Variants in UGT1A5 observed in about 807,000 individuals in gnomAD.
UGT1A5 encodes UDP glucuronosyltransferase family 1 member A5.
Under a neutral mutation model 40.3 loss-of-function variants are expected in UGT1A5, and 29 were observed. The observed-to-expected ratio is 0.72, with a 90% CI of 0.54 to 0.98. The LOEUF is 0.98. Among genes scored for constraint, UGT1A5 ranks in the 50% least tolerant of loss-of-function variants. The pLI is 0.00. For synonymous variants in UGT1A5, 257 were observed against 262.5 expected (o/e 0.98, Z 0.20); for missense variants, 678 against 677.9 (o/e 1.00, Z 0.00).
chr2:233,718,670 T>C (rs1422403188), intron 1 of UGT1A5: 2 of 1,550,504 alleles, frequency 1.3e-6, no homozygotes, highest in Non-Finnish European at 1.7e-6. Flanking sequence ...TATAGATTAA[T>C]GGGTAATAAG....
intron 1 of UGT1A5, chr2:233,752,635 T>C (rs1695024610): frequency 6.6e-6 from 1 of 152,222 alleles, no homozygotes; most frequent in Admixed American, 6.5e-5. Flanking sequence ...AGCTGTTGTC[T>C]TAGTTACTGG....
At chr2:233,758,431 A>C (rs1696879671) in intron 1 of UGT1A5, among the ~76,000 whole-genome samples, 1 of 152,228 alleles carries the variant, frequency 6.6e-6, no homozygotes, top group Admixed American at 6.5e-5. Context: ...ATGAACTCAC[A>C]CAGCATTGGG....
chr2:233,720,496 G>A (rs780049805), intron 1 of UGT1A5, among the ~76,000 whole-genome samples: 30 of 152,218 alleles, frequency 2.0e-4, no homozygotes, highest in Middle Eastern at 3.4e-3. Context: ...GAAGGGAAGT[G>A]TTTCTCAGGT....
chr2:233,718,402 G>A (rs3732220), intron 1 of UGT1A5, among the ~76,000 whole-genome samples: 15,446 of 152,230 alleles, frequency 0.1, 905 homozygotes, highest in East Asian at 0.2. Context: ...AGCAAATAGC[G>A]TCACATTCAG....
chr2:233,763,100 C>T (rs888370802), intron 1 of UGT1A5, among the ~76,000 whole-genome samples: 9 of 152,128 alleles, frequency 5.9e-5, no homozygotes, highest in Non-Finnish European at 7.3e-5. Context: ...GGAGAGGCAC[C>T]GAACTTTATC....
In UGT1A5 at chr2:233,722,858, T is replaced by G. The variant is rs1254106570; in HGVS notation, c.867+9000T>G. On this transcript the variant is annotated intron_variant, in intron 1 of 4. Coordinates refer to ENST00000373414, the MANE Select transcript of UGT1A5 (RefSeq NM_019078.2). ...ATAAGAATGTTTCTTTTTTTTTTTT[T>G]TGAAGGAAAAAATAAATTTATTGCT... 1.4e-5 allele frequency among the ~76,000 whole-genome samples: 2 copies of G among 144,154 alleles called. 1 individual carries two copies. The highest frequency in any genetic ancestry group is 1.4e-4 in the Admixed American group (2 of 14,354). 94.6% of individuals were successfully genotyped at this position (144,154 alleles called of 152,430 possible).
intron 1 of UGT1A5, chr2:233,719,515 C>G (rs764297894): frequency 6.2e-7 from 1 of 1,613,842 alleles, no homozygotes; most frequent in Non-Finnish European, 8.5e-7. Context: ...GCCCCTTATG[C>G]AAGTCTTGCC....
intron 1 of UGT1A5, chr2:233,755,502 C>T (rs1234908381): frequency 5.5e-6 from 1 of 180,326 alleles, no homozygotes; most frequent in Non-Finnish European, 1.2e-5. Flanking sequence ...GCTCCAAGAC[C>T]AGGCCCCGCC....
chr2:233,755,000 G>C, intron 1 of UGT1A5: 1 of 1,293,096 alleles, frequency 7.7e-7, no homozygotes, highest in Non-Finnish European at 1.0e-6. Flanking sequence ...GGAAGCTGAA[G>C]ACCTACTCGA....
At chr2:233,719,955 G>A (rs914065471) in intron 1 of UGT1A5, among the ~76,000 whole-genome samples, 4 of 152,160 alleles carry the variant, frequency 2.6e-5, no homozygotes, top group Admixed American at 2.6e-4. Flanking sequence ...CCATCTTCAT[G>A]GTTGTGCATG....
rs562977700 is a variant in UGT1A5 at position 233,719,688 on chromosome 2, G to T, written c.867+5830G>T. On this transcript the variant is annotated intron_variant, in intron 1 of 4. Transcript: ENST00000373414. The stretch of plus-strand genomic sequence containing the variant: ...TGCCAACGGGAAGCCACTATCTCAG[G>T]TCTGTATTGGTGCCTTCATCCAATC... 7.9e-5 allele frequency: 127 copies of T among 1,614,002 alleles called. No homozygotes were observed. The East Asian group carries it at 2.7e-3, about 34-fold the overall frequency.
chr2:233,718,058 C>A (rs1306003218), intron 1 of UGT1A5: 3 of 356,918 alleles, frequency 8.4e-6, no homozygotes, highest in Admixed American at 3.6e-5. Context: ...CTGAACCCAC[C>A]GTGGGTCCTT....
chr2:233,729,943 A>G (rs2077957237), intron 1 of UGT1A5: 2 of 1,613,936 alleles, frequency 1.2e-6, no homozygotes, highest in Admixed American at 1.7e-5. Context: ...CATGCCCAAC[A>G]TGGTCTTCAT....
chr2:233,718,715 T>C, intron 1 of UGT1A5: 1 of 1,608,238 alleles, frequency 6.2e-7, no homozygotes, highest in Non-Finnish European at 8.5e-7. Context: ...TCCAATTACA[T>C]GCTGATTTGC....
At chr2:233,729,941 A>T (rs1478646241) in intron 1 of UGT1A5, 1 of 1,613,962 alleles carries the variant, frequency 6.2e-7, no homozygotes, top group African/African-American at 1.3e-5. Flanking sequence ...ATCATGCCCA[A>T]CATGGTCTTC....
chr2:233,767,878 A>G lies in UGT1A5; in HGVS notation c.1029A>G (p.Pro343=), dbSNP rs747062491. ...TGTGGCGGTACACTGGAACCCGACC[A>G]TCGAATCTTGCGAACAACACGATAC... ...TVLWRYTGTR[P]SNLANNTILV... The change falls in exon 3 of 5, where the codon CCA becomes CCG. Residue 343 remains proline, a synonymous_variant. Transcript: ENST00000373414. 6.2e-7 allele frequency: 1 copy of G among 1,614,032 alleles called. No individual in the cohort carries two copies. The highest frequency in any genetic ancestry group is 1.7e-5 in the Admixed American group (1 of 59,990).
chr2:233,760,187 A>T (rs990924145), intron 1 of UGT1A5: 2 of 1,561,228 alleles, frequency 1.3e-6, no homozygotes, highest in African/African-American at 2.7e-5. Flanking sequence ...TTTTATAGTC[A>T]CGTGACACAG....
chr2:233,750,185 T>G (rs1694383410), intron 1 of UGT1A5, among the ~76,000 whole-genome samples: 1 of 151,838 alleles, frequency 6.6e-6, no homozygotes, highest in African/African-American at 2.4e-5. Flanking sequence ...GATAATGTTG[T>G]GGACAATGAA....
chr2:233,754,833 T>C (rs1695605452), intron 1 of UGT1A5: 1 of 1,343,184 alleles, frequency 7.4e-7, no homozygotes, highest in African/African-American at 1.5e-5. Context: ...AGCTGGAAAT[T>C]CACTGAAGGC....
Sources: allele counts gnomAD v4.1 joint callset (sites outside exome capture counted in the v4.1 genomes callset), GRCh38; gene constraint gnomAD v4.1.1; transcripts MANE v1.5; gene names NCBI Gene and HGNC (gene_info 2026-07-23, HGNC 2026-07-21).